The following PPP4R2 variants were observed in gnomAD, a reference collection of about 807,000 sequenced individuals.
PPP4R2 encodes the protein protein phosphatase 4 regulatory subunit 2.
A neutral mutation model predicts 47.2 loss-of-function variants in PPP4R2; 13 were observed. The ratio of observed to expected loss-of-function variants is 0.28; its 90% confidence interval spans 0.18 to 0.44. The LOEUF (loss-of-function observed/expected upper bound fraction) is 0.44, where lower values mean the gene tolerates loss of function less well. Among genes scored for constraint, PPP4R2 ranks in the 20% least tolerant of loss-of-function variants. PPP4R2 has a pLI of 1.00. For missense variants in PPP4R2, 421 were observed against 491.2 expected (o/e 0.86, Z 1.35); for synonymous variants, 151 against 163.3 (o/e 0.92, Z 0.57).
chr3:73,006,046 C>T (rs1249237029), intron 2 of PPP4R2, among the ~76,000 whole-genome samples: 1 of 152,024 alleles, frequency 6.6e-6, no homozygotes, highest in Non-Finnish European at 1.5e-5. Flanking sequence ...CTCCAAGCAA[C>T]TTTTTGTCAA....
intron 2 of PPP4R2, among the ~76,000 whole-genome samples, chr3:73,002,655 T>TTTTTTTTTTTTG: frequency 7.4e-6 from 1 of 135,060 alleles, no homozygotes; most frequent in Non-Finnish European, 1.6e-5. Flanking sequence ...TTTTTTTTTT[T>TTTTTTTTTTTTG]TTTTGAGACG....
At chr3:73,035,472 T>G (rs996956642) in intron 2 of PPP4R2, among the ~76,000 whole-genome samples, 5 of 152,052 alleles carry the variant, frequency 3.3e-5, no homozygotes, top group Non-Finnish European at 7.4e-5. Context: ...ACACTGCTAG[T>G]GGAAATGTAG....
chr3:72,997,512 C>G (rs775015524), intron 1 of PPP4R2: 8 of 174,668 alleles, frequency 4.6e-5, no homozygotes, highest in Non-Finnish European at 8.4e-5. Flanking sequence ...ATGCCTTTTT[C>G]AGGGCTTTTG....
chr3:73,038,335 T>A (rs1358524253), intron 2 of PPP4R2, among the ~76,000 whole-genome samples: 2 of 152,162 alleles, frequency 1.3e-5, no homozygotes, highest in Non-Finnish European at 2.9e-5. Context: ...GAGTCTATGT[T>A]GGTATAGTAA....
chr3:73,061,114 A>AT (rs1372722947), intron 5 of PPP4R2, 54 bp downstream of exon 5: 8 of 770,350 alleles, frequency 1.0e-5, no homozygotes, highest in Middle Eastern at 3.8e-4. Context: ...TAATCATTTT[A>AT]TTGCTTCTAA....
chr3:73,026,554 A>C (rs1702067722), intron 2 of PPP4R2, among the ~76,000 whole-genome samples: 1 of 152,170 alleles, frequency 6.6e-6, no homozygotes, highest in Admixed American at 6.5e-5. Flanking sequence ...TTACCACATA[A>C]TAGCTTAGGG....
chr3:73,022,953 G>C (rs899555254), intron 2 of PPP4R2, among the ~76,000 whole-genome samples: 1 of 151,884 alleles, frequency 6.6e-6, no homozygotes, highest in Non-Finnish European at 1.5e-5. Flanking sequence ...TTTAAATAAT[G>C]GTGTGTTTCA....
intron 3 of PPP4R2, among the ~76,000 whole-genome samples, chr3:73,054,747 T>C (rs978059499): frequency 5.3e-5 from 8 of 152,198 alleles, no homozygotes; most frequent in Non-Finnish European, 1.2e-4. Flanking sequence ...AAAGTTAAGG[T>C]AGTTAAACTG....
At chr3:73,005,140 A>G (rs1441670533) in intron 2 of PPP4R2, among the ~76,000 whole-genome samples, 4 of 152,052 alleles carry the variant, frequency 2.6e-5, no homozygotes, top group African/African-American at 4.8e-5. Context: ...ACGGGGTTTC[A>G]CCATATTGGC....
chr3:73,019,740 G>A (rs1701921417), intron 2 of PPP4R2, among the ~76,000 whole-genome samples: 1 of 152,156 alleles, frequency 6.6e-6, no homozygotes, highest in Admixed American at 6.5e-5. Flanking sequence ...AGTCATGAGT[G>A]TGAGTGGGTG....
chr3:73,005,566 G>A (rs1026193326), intron 2 of PPP4R2, among the ~76,000 whole-genome samples: 4 of 151,676 alleles, frequency 2.6e-5, no homozygotes, highest in Admixed American at 6.6e-5. Context: ...GCAGTGTTAC[G>A]GGCCGGGTGC....
At chr3:73,057,687 A>G (rs1702754802) in intron 3 of PPP4R2, among the ~76,000 whole-genome samples, 2 of 152,154 alleles carry the variant, frequency 1.3e-5, no homozygotes, top group African/African-American at 4.8e-5. Flanking sequence ...GAACATAAGA[A>G]TAGTATTGAC....
chr3:73,016,743 T>C (rs1158766337), intron 2 of PPP4R2, among the ~76,000 whole-genome samples: 6 of 105,244 alleles, frequency 5.7e-5, no homozygotes, highest in Non-Finnish European at 9.8e-5. Context: ...ATTTTTATTA[T>C]TTTTTTTTTT....
intron 3 of PPP4R2, among the ~76,000 whole-genome samples, chr3:73,055,614 A>G (rs1702716576): frequency 6.6e-6 from 1 of 150,492 alleles, no homozygotes; most frequent in African/African-American, 2.4e-5. Flanking sequence ...TTAGTTTTCC[A>G]TTTTACAATA....
chr3:73,043,322 G>T (rs1702420159), intron 2 of PPP4R2, among the ~76,000 whole-genome samples: 1 of 150,774 alleles, frequency 6.6e-6, no homozygotes, highest in African/African-American at 2.4e-5. Context: ...TAAAAATTCT[G>T]CTTGTTAAAC....
At chr3:73,049,615 A>G (rs182225729) in intron 3 of PPP4R2, among the ~76,000 whole-genome samples, 1 of 152,222 alleles carries the variant, frequency 6.6e-6, no homozygotes, top group African/African-American at 2.4e-5. Context: ...TTCAAAAATA[A>G]AAGTTAAGGT....
chr3:73,063,272 G>A (rs1223524617), intron 5 of PPP4R2: 1 of 268,422 alleles, frequency 3.7e-6, no homozygotes, highest in African/African-American at 2.5e-5. Flanking sequence ...GTGTTGGGTG[G>A]AATCATAGAT....
chr3:73,051,947 T>C (rs1410521963), intron 3 of PPP4R2, among the ~76,000 whole-genome samples: 1 of 152,136 alleles, frequency 6.6e-6, no homozygotes, highest in Non-Finnish European at 1.5e-5. Context: ...TTTCCCTCTT[T>C]GAAGTGGAAA....
At chr3:73,053,588 A>G (rs535364495) in intron 3 of PPP4R2, among the ~76,000 whole-genome samples, 1 of 152,226 alleles carries the variant, frequency 6.6e-6, no homozygotes, top group South Asian at 2.1e-4. Flanking sequence ...GTTTACTTAC[A>G]TCATTGGGGT....
Sources: gnomAD v4.1 joint callset for allele counts (sites outside exome capture counted in the v4.1 genomes callset) on GRCh38, gnomAD v4.1.1 for gene constraint, MANE v1.5 for transcripts, NCBI Gene and HGNC (gene_info 2026-07-23, HGNC 2026-07-21) for gene names.